MYBL1: variants seen among roughly 807,000 people sequenced by gnomAD.
The protein encoded by MYBL1 is myb-related protein A.
MYBL1 carries 17 observed loss-of-function variants against 96.3 expected under a neutral mutation model. The ratio of observed to expected loss-of-function variants is 0.18; its 90% CI spans 0.12 to 0.26. MYBL1 has a LOEUF of 0.26. Among genes scored for constraint, MYBL1 ranks in the 10% least tolerant of loss-of-function variants. The probability of loss-of-function intolerance (pLI) is 1.00; values close to 1 mark genes in which losing one functional copy is unlikely to be tolerated. For synonymous variants in MYBL1, 282 were observed against 292.7 expected (o/e 0.96, Z 0.37); for missense variants, 701 against 882.9 (o/e 0.79, Z 2.61).
chr8:66,579,356 C>A (rs1809107969), intron 9 of MYBL1, among the ~76,000 whole-genome samples: 2 of 151,682 alleles, frequency 1.3e-5, no homozygotes, highest in Admixed American at 1.3e-4. Flanking sequence ...TACTACAAAG[C>A]CCCTAAAATT....
At chr8:66,579,884 C>T (rs1479685156) in intron 9 of MYBL1, among the ~76,000 whole-genome samples, 1 of 151,998 alleles carries the variant, frequency 6.6e-6, no homozygotes, top group East Asian at 1.9e-4. Flanking sequence ...TTCCAGCTTT[C>T]TCTAATGCAC....
intron 1 of MYBL1, among the ~76,000 whole-genome samples, chr8:66,604,666 C>CA (rs1810241327): frequency 1.3e-5 from 2 of 151,688 alleles, no homozygotes; most frequent in South Asian, 4.2e-4. Context: ...GTAAATGTGA[C>CA]AAAAATCTGG....
chr8:66,598,740 G>C (rs917026820), intron 4 of MYBL1, among the ~76,000 whole-genome samples: 9 of 152,044 alleles, frequency 5.9e-5, no homozygotes, highest in African/African-American at 2.2e-4. Flanking sequence ...TTAGATTTTT[G>C]ACAAAAAACT....
intron 1 of MYBL1, chr8:66,612,300 A>G (rs1057273860): frequency 1.3e-5 from 2 of 154,806 alleles, no homozygotes; most frequent in Non-Finnish European, 2.9e-5. Context: ...AAAACATCAA[A>G]AAAGTCCTCT....
intron 9 of MYBL1, among the ~76,000 whole-genome samples, chr8:66,578,062 C>T (rs1411679475): frequency 6.6e-6 from 1 of 152,052 alleles, no homozygotes; most frequent in African/African-American, 2.4e-5. Flanking sequence ...TTCCTTACAC[C>T]TTATACAAAA....
At chr8:66,567,031 A>G (rs1808532591) in intron 12 of MYBL1, 39 bp from the exon 13 acceptor site, 1 of 1,394,744 alleles carries the variant, frequency 7.2e-7, no homozygotes, top group African/African-American at 1.4e-5. Context: ...AGTCATTTAT[A>G]GCAATTCCTT....
At chr8:66,590,461 CA>C (rs1430090895) in intron 8 of MYBL1, among the ~76,000 whole-genome samples, 1 of 151,862 alleles carries the variant, frequency 6.6e-6, no homozygotes, top group Non-Finnish European at 1.5e-5. Context: ...TCTACTAAAA[CA>C]ATTTTAAAAA....
At chr8:66,581,788 T>C (rs1176697394) in intron 8 of MYBL1, among the ~76,000 whole-genome samples, 1 of 152,012 alleles carries the variant, frequency 6.6e-6, no homozygotes, top group Non-Finnish European at 1.5e-5. Context: ...CAGAAGAGAA[T>C]GAAATGATAT....
chr8:66,587,114 A>G (rs1809451312), intron 8 of MYBL1, among the ~76,000 whole-genome samples: 1 of 152,128 alleles, frequency 6.6e-6, no homozygotes, highest in Non-Finnish European at 1.5e-5. Flanking sequence ...ACAACTAGAG[A>G]GGAGGAGTAA....
At chr8:66,607,514 C>T (rs1213392776) in intron 1 of MYBL1, among the ~76,000 whole-genome samples, 1 of 152,128 alleles carries the variant, frequency 6.6e-6, no homozygotes, top group East Asian at 1.9e-4. Context: ...CCCTAATCTT[C>T]CAGCTTCACC....
At position 66,564,578 on chromosome 8, in the gene MYBL1, T is replaced by C; in HGVS notation, c.*119A>G. 1 of 696,256 alleles carries C rather than the reference T, an allele frequency of 1.4e-6. No individual in the cohort carries two copies. The highest frequency in any genetic ancestry group is 2.1e-6 in the Non-Finnish European group (1 of 476,238). 43.1% of individuals were successfully genotyped at this position (696,256 alleles called of 1,614,324 possible). On this transcript the variant is annotated 3_prime_UTR_variant, in exon 16 of 16. Transcript: ENST00000522677. ...ACTATATAGAATAGAAAAAAGATGC[T>C]GTATTAAAAGGGCTATCTTACAACT...
chr8:66,582,650 C>T (rs150540391), intron 8 of MYBL1, among the ~76,000 whole-genome samples: 1,568 of 144,356 alleles, frequency 0.011, 13 homozygotes, highest in Non-Finnish European at 0.016. Context: ...CCTGGAAGGT[C>T]GAGGTTACAG....
chr8:66,571,178 T>C (rs1010299028), intron 12 of MYBL1, among the ~76,000 whole-genome samples: 1 of 152,228 alleles, frequency 6.6e-6, no homozygotes, highest in Admixed American at 6.5e-5. Context: ...GAAATCTGTA[T>C]CTGCCTAAAA....
Position 66,612,504 on chromosome 8 carries a change from C to G in MYBL1, c.20+315G>C, listed in dbSNP as rs143785269. 4.8e-4 allele frequency: 175 copies of G among 363,722 alleles called. 3 individuals carry two copies. The highest frequency in any genetic ancestry group is 6.1e-4 in the Non-Finnish European group (124 of 204,166). 22.5% of individuals were successfully genotyped at this position (363,722 alleles called of 1,614,324 possible). A position where few individuals can be genotyped will look rare whatever the true frequency, so the allele number is the denominator to read the frequency against. On this transcript the variant is annotated intron_variant, in intron 1 of 15. Transcript: ENST00000522677. ...CTGCGTAGCGGACTCCCTAAAAGCG[C>G]TCGACTTACCTGGCAAGAAACCTGC...
At position 66,564,735 on chromosome 8, in the gene MYBL1, T is replaced by C. The variant is rs540394470; in HGVS notation, c.2221A>G (p.Thr741Ala). 3.0e-5 allele frequency: 48 copies of C among 1,585,252 alleles called. No homozygotes were observed. Among genetic ancestry groups the C allele is most frequent in the Non-Finnish European group, 2.9e-5 (34 of 1,162,966 alleles). ...GCTCTTGAAGTACTACTGGTAGCTG[T>C]GTAAGTACTCAGATATCTTCTTGCT... The part of the protein sequence containing the change: ...EQARRYLSTY[T>A]ATSSTSRALI... Residue 741 changes from threonine (T) to alanine (A), a missense_variant, in exon 16 of 16, where the codon ACA becomes GCA. By Grantham distance (58) the Thr-to-Ala change is moderately conservative. This residue lies in a region of MYBL1 where 137 missense variants were observed against 137.5 expected (regional missense o/e 1.00). Coordinates refer to ENST00000522677, the MANE Select transcript of MYBL1 (RefSeq NM_001080416.4).
At chr8:66,592,404 G>T in intron 8 of MYBL1, 36 bp downstream of exon 8, 1 of 1,357,682 alleles carries the variant, frequency 7.4e-7, no homozygotes, top group Non-Finnish European at 1.0e-6. Flanking sequence ...ATATATGAAA[G>T]ATTCTAACAA....
intron 8 of MYBL1, among the ~76,000 whole-genome samples, chr8:66,588,277 CTTTTT>C (rs1164357937): frequency 2.3e-5 from 3 of 128,834 alleles, no homozygotes; most frequent in Non-Finnish European, 3.3e-5. Flanking sequence ...ATGTGAATCT[CTTTTT>C]TTTTTTTTTT....
intron 12 of MYBL1, among the ~76,000 whole-genome samples, chr8:66,570,592 C>A (rs1808690146): frequency 6.6e-6 from 1 of 152,172 alleles, no homozygotes; most frequent in African/African-American, 2.4e-5. Flanking sequence ...AAGGCAGGAA[C>A]CATACTTGAC....
At chr8:66,603,053 T>C (rs113560650) in intron 1 of MYBL1, among the ~76,000 whole-genome samples, 7 of 152,142 alleles carry the variant, frequency 4.6e-5, no homozygotes, top group African/African-American at 1.7e-4. Context: ...CCTGGAACTA[T>C]ACTTCTTACT....
Sources: allele counts gnomAD v4.1 joint callset (sites outside exome capture counted in the v4.1 genomes callset), GRCh38; gene constraint gnomAD v4.1.1; regional missense constraint gnomAD v4.1.1; transcripts MANE v1.5; gene names NCBI Gene and HGNC (gene_info 2026-07-23, HGNC 2026-07-21).